Variants in ARHGAP27 observed in about 807,000 individuals in gnomAD.
The protein encoded by ARHGAP27 is Rho GTPase activating protein 27.
In ARHGAP27, 53 loss-of-function variants were observed where a neutral mutation model predicts 102.0. That is an observed-to-expected ratio of 0.52 (90% CI 0.42 to 0.65). The LOEUF is 0.65. Among genes scored for constraint, ARHGAP27 ranks in the 30% least tolerant of loss-of-function variants. The pLI is 0.00. For synonymous variants in ARHGAP27, 525 were observed against 542.8 expected (o/e 0.97, Z 0.46); for missense variants, 1,117 against 1,256.2 (o/e 0.89, Z 1.68).
intron 13 of ARHGAP27, 86 bp from the exon 14 acceptor site, chr17:45,397,110 C>A: frequency 6.4e-7 from 1 of 1,557,830 alleles, no homozygotes; most frequent in South Asian, 1.2e-5. Flanking sequence ...AAATGCACTC[C>A]CAACAGGCAT....
chr17:45,430,372 CTT>C lies in ARHGAP27; in HGVS notation c.-18-77_-18-76del. 1 of 1,481,116 alleles carries C rather than the reference CTT, an allele frequency of 6.8e-7. No homozygotes were observed. Among genetic ancestry groups the C allele is most frequent in the Admixed American group, 2.7e-5 (1 of 36,578 alleles). The allele number at this position is 1,481,116 out of a possible 1,614,324, so 91.7% of individuals were successfully genotyped here. On this transcript the variant is annotated intron_variant, in intron 3 of 19. Coordinates refer to ENST00000685559, the MANE Select transcript of ARHGAP27 (RefSeq NM_001282290.2). The surrounding 1 kb of genome is among the most constrained non-coding windows in gnomAD (Gnocchi z 4.4). ...GAATAGCCCCGCACTCGGGGACAGA[CTT>C]GGGTTCGAGTCCCGATCCTGCACTC... is the stretch of plus-strand genomic sequence containing the variant.
intron 4 of ARHGAP27, among the ~76,000 whole-genome samples, chr17:45,412,340 A>G (rs2048009486): frequency 6.6e-6 from 1 of 152,180 alleles, no homozygotes; most frequent in Admixed American, 6.5e-5. Context: ...TGAGAGGCAC[A>G]AGGGGGAGGG....
chr17:45,398,477 T>A (rs2046009910), intron 12 of ARHGAP27, among the ~76,000 whole-genome samples: 1 of 152,156 alleles, frequency 6.6e-6, no homozygotes, highest in South Asian at 2.1e-4. Flanking sequence ...GGCTCATACC[T>A]GTAATCCCAG....
At chr17:45,414,664 GTC>G (rs1243340915) in intron 4 of ARHGAP27, among the ~76,000 whole-genome samples, 1 of 146,158 alleles carries the variant, frequency 6.8e-6, no homozygotes, top group Non-Finnish European at 1.5e-5. Flanking sequence ...GTCCAGGCTG[GTC>G]TTGATCTCCT....
intron 4 of ARHGAP27, chr17:45,407,653 T>C (rs968033915): frequency 3.9e-5 from 6 of 152,044 alleles, no homozygotes; most frequent in African/African-American, 1.5e-4. Flanking sequence ...TAGCTGGCAT[T>C]GCAGGCACGC....
intron 4 of ARHGAP27, among the ~76,000 whole-genome samples, chr17:45,422,886 T>C (rs2049174974): frequency 1.3e-5 from 2 of 152,234 alleles, no homozygotes; most frequent in South Asian, 4.1e-4. Flanking sequence ...AAATAGAAAA[T>C]ATGCATTTTT....
chr17:45,399,112 C>T (rs531899380), intron 12 of ARHGAP27, among the ~76,000 whole-genome samples: 66 of 152,284 alleles, frequency 4.3e-4, no homozygotes, highest in African/African-American at 1.5e-3. Flanking sequence ...GCTCTGAGGA[C>T]CCAGTGTTCC....
intron 4 of ARHGAP27, among the ~76,000 whole-genome samples, chr17:45,429,116 G>T (rs1197288556): frequency 6.6e-6 from 1 of 152,230 alleles, no homozygotes; most frequent in African/African-American, 2.4e-5. Flanking sequence ...TGGGAGACGG[G>T]CAAGTCGGTT....
chr17:45,430,287 G>A lies in ARHGAP27; in HGVS notation c.-8C>T, dbSNP rs1292840900. ...CACCACGTCCGCCGCCATCGCAGCC[G>A]CGGCGTTTTCCTGCGGGCAACAAGA... On this transcript the variant is annotated 5_prime_UTR_variant, in exon 4 of 20. Transcript: ENST00000685559. This position sits in a 1 kb window ranked among gnomAD's most constrained non-coding sequence, Gnocchi z 4.4. 6.4e-7 allele frequency: 1 copy of A among 1,563,838 alleles called. No homozygotes were observed. Among genetic ancestry groups the A allele is most frequent in the Non-Finnish European group, 8.6e-7 (1 of 1,163,206 alleles).
rs909182005 is a variant in ARHGAP27 at position 45,398,040 on chromosome 17, C to T, written c.1751G>A (p.Ser584Asn). Residue 584 changes from serine (S) to asparagine (N), a missense_variant, in exon 13 of 20, where the codon AGC becomes AAC. Physicochemically the swap from Ser to Asn is conservative, Grantham distance 46 (BLOSUM62 1). Coordinates refer to ENST00000685559, the MANE Select transcript of ARHGAP27 (RefSeq NM_001282290.2). ...SSRKNVLELR[S>N]RDGSEYLIQH... is the part of the protein sequence containing the mutation. ...GATCAGGTACTCAGAGCCATCTCGG[C>T]TCCGTAGCTGGAGGGACACAAGTCA... The T allele has an allele frequency of 1.2e-6, 2 of 1,602,666 alleles. No homozygotes were observed. The highest frequency in any genetic ancestry group is 2.7e-5 in the African/African-American group (2 of 74,834).
At position 45,395,263 on chromosome 17, in the gene ARHGAP27, A is replaced by G; in HGVS notation, c.*193T>C. ...AGGGAAGGGGGGATGGGGAGTTGGG[A>G]AGAAGGAATCACATTTTGCAAACTG... On this transcript the variant is annotated 3_prime_UTR_variant, in exon 20 of 20. Transcript: ENST00000685559. The G allele has an allele frequency of 1.5e-6, 1 of 653,010 alleles. No individual in the cohort carries two copies. The highest frequency in any genetic ancestry group is 2.5e-6 in the Non-Finnish European group (1 of 393,506). 40.5% of individuals were successfully genotyped at this position (653,010 alleles called of 1,614,324 possible).
rs2049753113 is a variant in ARHGAP27, at chr17:45,427,691, G to A, written c.657+1932C>T. 6.6e-6 allele frequency among the ~76,000 whole-genome samples: 1 copy of A among 152,174 alleles called. No homozygotes were observed. Among genetic ancestry groups the A allele is most frequent in the East Asian group, 1.9e-4 (1 of 5,194 alleles). The stretch of plus-strand genomic sequence containing the variant: ...TGGTATTATTGCACACATCGCACAG[G>A]GGAGGAAACAGGACCAGAGATGCAA... On this transcript the variant is annotated intron_variant, in intron 4 of 19. Coordinates refer to ENST00000685559, the MANE Select transcript of ARHGAP27 (RefSeq NM_001282290.2). The surrounding 1 kb of genome is among the most constrained non-coding windows in gnomAD (Gnocchi z 4.5).
At chr17:45,415,779 G>A (rs925441007) in intron 4 of ARHGAP27, among the ~76,000 whole-genome samples, 1 of 152,162 alleles carries the variant, frequency 6.6e-6, no homozygotes, top group Non-Finnish European at 1.5e-5. Flanking sequence ...TGCAGGCAGG[G>A]CAATGAGTCA....
rs1567707870 is a variant in ARHGAP27, at chr17:45,406,019, C to G, written c.722G>C (p.Gly241Ala). 6.5e-7 allele frequency: 1 copy of G among 1,534,912 alleles called. No homozygotes were observed. Among genetic ancestry groups the G allele is most frequent in the Non-Finnish European group, 8.7e-7 (1 of 1,146,200 alleles). ...IERQPRATSPGAAAAPLPSPV... is the reference protein window; with the variant it reads ...IERQPRATSPAAAAAPLPSPV... ...GCTGGGAAGGGGGGCTGCAGCGGCG[C>G]CCGGTGAAGTGGCCCGGGGCTGCCT... The change falls in exon 5 of 20, where the codon GGC (glycine) becomes GCC (alanine). Residue 241 changes from glycine (G) to alanine (A), a missense_variant. Gly to Ala is a moderately conservative substitution (Grantham distance 60, BLOSUM62 0). Transcript: ENST00000685559.
In ARHGAP27 at chr17:45,430,048, G is replaced by A. The variant is rs2049938437; in HGVS notation, c.232C>T (p.Pro78Ser). 7.1e-6 allele frequency: 9 copies of A among 1,264,092 alleles called. No individual in the cohort carries two copies. The African/African-American group carries it at 1.1e-4, about 16-fold the overall frequency. 78.3% of individuals were successfully genotyped at this position (1,264,092 alleles called of 1,614,324 possible). A position where few individuals can be genotyped will look rare whatever the true frequency, so the allele number is the denominator to read the frequency against. Reference protein sequence around the residue: ...PALGNPAAAAPPGPHPSPAAP... With the variant: ...PALGNPAAAASPGPHPSPAAP... ...GCGGGGCTCGGGTGGGGACCTGGCG[G>A]CGCGGCGGCGGCAGGGTTGCCCAGC... is the stretch of plus-strand genomic sequence containing the variant. Residue 78 changes from proline to serine, a missense_variant, in exon 4 of 20, where the codon CCG becomes TCG. Pro to Ser is a moderately conservative substitution (Grantham distance 74). Coordinates refer to ENST00000685559, the MANE Select transcript of ARHGAP27 (RefSeq NM_001282290.2). The surrounding 1 kb of genome is among the most constrained non-coding windows in gnomAD (Gnocchi z 4.4).
intron 4 of ARHGAP27, among the ~76,000 whole-genome samples, chr17:45,413,581 G>A (rs1338848574): frequency 9.9e-5 from 15 of 152,188 alleles, no homozygotes; most frequent in Admixed American, 6.5e-5. Flanking sequence ...GGGGATTGGG[G>A]GAAAGCAGGC....
At chr17:45,405,629 C>T in intron 5 of ARHGAP27, 47 bp downstream of exon 5, 1 of 1,530,926 alleles carries the variant, frequency 6.5e-7, no homozygotes, top group Non-Finnish European at 8.7e-7. Context: ...GAGGCGGGAT[C>T]AGAGGCGCTC....
rs773268491 is a variant in ARHGAP27, at chr17:45,402,778, T to C, written c.1679A>G (p.Glu560Gly). ...SKFSTPEYTV[E>G]LRGATLSWAP... The stretch of plus-strand genomic sequence containing the variant: ...CCAGGAGAGAGTGGCCCCCCTCAGC[T>C]CCACTGTGTACTCAGGGGTGGAAAA... The change falls in exon 12 of 20, where the codon GAG becomes GGG. Residue 560 changes from glutamate to glycine, a missense_variant. Coordinates refer to ENST00000685559, the MANE Select transcript of ARHGAP27 (RefSeq NM_001282290.2). 2.7e-5 allele frequency: 43 copies of C among 1,612,968 alleles called. No individual in the cohort carries two copies. Among genetic ancestry groups the C allele is most frequent in the Non-Finnish European group, 3.6e-5 (42 of 1,179,530 alleles).
chr17:45,429,611 C>T lies in ARHGAP27; in HGVS notation c.657+12G>A, dbSNP rs1170318193. On this transcript the variant is annotated intron_variant, in intron 4 of 19. Transcript: ENST00000685559. ...GCCACCCGCCTCCGCGCCCCAGCGC[C>T]CGGGGAGGTACCTGCTCTGCGCTCT... 5.1e-6 allele frequency: 8 copies of T among 1,576,322 alleles called. No individual in the cohort carries two copies. Among genetic ancestry groups the T allele is most frequent in the Non-Finnish European group, 4.3e-6 (5 of 1,161,222 alleles).
Sources: allele counts gnomAD v4.1 joint callset (sites outside exome capture counted in the v4.1 genomes callset), GRCh38; gene constraint gnomAD v4.1.1; non-coding constraint Gnocchi (gnomAD v3.1); transcripts MANE v1.5; gene names NCBI Gene and HGNC (gene_info 2026-07-23, HGNC 2026-07-21).